The following NHSL2 variants were observed in gnomAD, a reference collection of about 807,000 sequenced individuals.
The protein encoded by NHSL2 is NHS like 2.
Under a neutral mutation model 53.4 loss-of-function variants are expected in NHSL2, and 27 were observed. The ratio of observed to expected loss-of-function variants is 0.51; its 90% CI spans 0.37 to 0.70. NHSL2 has a LOEUF of 0.70. Among genes scored for constraint, NHSL2 ranks in the 30% least tolerant of loss-of-function variants. NHSL2 has a pLI of 0.00. For missense variants in NHSL2, 892 were observed against 980.1 expected (o/e 0.91, Z 1.20); for synonymous variants, 408 against 404.1 (o/e 1.01, Z -0.12).
chrX:72,058,242 T>C (rs1430788720), intron 1 of NHSL2, among the ~76,000 whole-genome samples: 1 of 112,874 alleles, frequency 8.9e-6, no homozygotes, highest in East Asian at 2.8e-4. Flanking sequence ...TCACAGTATT[T>C]GTTACCAAAG....
chrX:72,147,086 G>C lies in NHSL2; in HGVS notation c.*3512G>C, dbSNP rs1488737252. ...GTAACTATCTGGACAACACAGACCCGATTGCAGTCTCTCTGTACCTGTCAG... is the reference window on the plus strand; with the variant it reads ...GTAACTATCTGGACAACACAGACCCCATTGCAGTCTCTCTGTACCTGTCAG... On this transcript the variant is annotated 3_prime_UTR_variant, in exon 8 of 8. Transcript: ENST00000633930. 1.8e-5 allele frequency: 2 copies of C among 112,141 alleles called. No homozygotes were observed. The highest frequency in any genetic ancestry group is 3.8e-5 in the Non-Finnish European group (2 of 53,226). 9.2% of individuals were successfully genotyped at this position (112,141 alleles called of 1,213,427 possible). A position where few individuals can be genotyped will look rare whatever the true frequency, so the allele number is the denominator to read the frequency against.
In NHSL2 at chrX:72,139,014, G is replaced by T; in HGVS notation, c.1466G>T (p.Gly489Val). ...ACCTCGAGGCTGGAGACAGGCCCCG[G>T]TGGGGCCAGCAGATTCCGGGAGCGG... ...SGTSRLETGP[G>V]GASRFRERSL... Residue 489 changes from glycine (G) to valine (V), a missense_variant, in exon 6 of 8, where the codon GGT (glycine) becomes GTT (valine). By Grantham distance (109) the Gly-to-Val change is moderately radical (BLOSUM62 -3). Coordinates refer to ENST00000633930, the MANE Select transcript of NHSL2 (RefSeq NM_001013627.3). 1 of 1,178,575 alleles carries T rather than the reference G, an allele frequency of 8.5e-7. No homozygotes were observed. The highest frequency in any genetic ancestry group is 1.1e-6 in the Non-Finnish European group (1 of 878,242).
intron 1 of NHSL2, among the ~76,000 whole-genome samples, chrX:71,963,964 T>C (rs1402765004): frequency 1.6e-4 from 1 of 6,220 alleles, no homozygotes; most frequent in African/African-American, 1.8e-4. Context: ...TATATACACA[T>C]ATATATATAC....
At chrX:72,003,248 T>C (rs1173588764) in intron 1 of NHSL2, among the ~76,000 whole-genome samples, 2 of 111,184 alleles carry the variant, frequency 1.8e-5, no homozygotes, top group Non-Finnish European at 3.8e-5. Context: ...TGGTTCTGAG[T>C]AACTTTGAGG....
chrX:72,151,177 G>A lies in NHSL2; in HGVS notation c.*7603G>A. On this transcript the variant is annotated 3_prime_UTR_variant, in exon 8 of 8. Transcript: ENST00000633930. ...CTATAGGTGCGTGCCACCATGCCCAGCTAATATTTTTTTTTTTTTTGTATT... is the reference window on the plus strand; with the variant it reads ...CTATAGGTGCGTGCCACCATGCCCAACTAATATTTTTTTTTTTTTTGTATT... 1 of 110,766 alleles carries A rather than the reference G, an allele frequency of 9.0e-6. No individual in the cohort carries two copies. The highest frequency in any genetic ancestry group is 1.9e-5 in the Non-Finnish European group (1 of 53,179). 9.1% of individuals were successfully genotyped at this position (110,766 alleles called of 1,213,427 possible). A position where few individuals can be genotyped will look rare whatever the true frequency, so the allele number is the denominator to read the frequency against.
At chrX:71,942,227 G>A (rs1288448164) in intron 1 of NHSL2, among the ~76,000 whole-genome samples, 1 of 112,501 alleles carries the variant, frequency 8.9e-6, no homozygotes, top group African/African-American at 3.2e-5. Flanking sequence ...CCTGCATGGT[G>A]CAGCCTAAGA....
chrX:72,105,793 A>G (rs2042033381), intron 1 of NHSL2, among the ~76,000 whole-genome samples: 1 of 112,367 alleles, frequency 8.9e-6, no homozygotes, highest in Admixed American at 9.4e-5. Flanking sequence ...AGAGAAATAT[A>G]AAAACTTGAC....
chrX:72,008,230 CTGTG>C lies in NHSL2; in HGVS notation c.280+96866_280+96869del, dbSNP rs1219494318. On this transcript the variant is annotated intron_variant, in intron 1 of 7. Transcript: ENST00000633930. ...GTTGCCCACACTCTGTTCTGACTGACTGTGTGACCCACGTCCCTATCTGCTCAGT... is the reference window on the plus strand; with the variant it reads ...GTTGCCCACACTCTGTTCTGACTGACTGACCCACGTCCCTATCTGCTCAGT... 8.0e-5 allele frequency among the ~76,000 whole-genome samples: 9 copies of C among 112,923 alleles called. No individual in the cohort carries two copies. The East Asian group carries it at 1.9e-3, about 24-fold the overall frequency.
At chrX:71,982,970 G>T (rs895461299) in intron 1 of NHSL2, among the ~76,000 whole-genome samples, 1 of 111,996 alleles carries the variant, frequency 8.9e-6, no homozygotes, top group African/African-American at 3.2e-5. Context: ...GAAGAAGGGG[G>T]GACGCAGTCT....
chrX:72,141,079 C>G (rs771220180), intron 6 of NHSL2: 13 of 198,868 alleles, frequency 6.5e-5, no homozygotes, highest in Non-Finnish European at 1.1e-4. Flanking sequence ...CATCCCACAT[C>G]CCTAGCCAAG....
At chrX:72,080,597 T>A (rs1210239914) in intron 1 of NHSL2, among the ~76,000 whole-genome samples, 2 of 108,528 alleles carry the variant, frequency 1.8e-5, no homozygotes, top group African/African-American at 6.6e-5. Flanking sequence ...TGTGTGTGTG[T>A]GTGTGTAAGA....
intron 1 of NHSL2, among the ~76,000 whole-genome samples, chrX:72,080,670 G>A (rs777762675): frequency 6.3e-5 from 7 of 110,295 alleles, no homozygotes; most frequent in Non-Finnish European, 1.1e-4. Context: ...CCCTTCGGTG[G>A]TAGAAAATTC....
chrX:72,095,991 A>T (rs2041940620), intron 1 of NHSL2, among the ~76,000 whole-genome samples: 1 of 110,795 alleles, frequency 9.0e-6, no homozygotes, highest in African/African-American at 3.3e-5. Context: ...TACAGTGGTC[A>T]TCAAAACAGA....
At chrX:72,069,680 G>A in intron 1 of NHSL2, 5 of 938,427 alleles carry the variant, frequency 5.3e-6, no homozygotes, top group South Asian at 1.2e-4. Flanking sequence ...TGCCAGTCCA[G>A]AGCAGAATGA....
rs186236743 is a variant in NHSL2 at position 71,957,655 on chromosome X, G to A, written c.280+46288G>A. ...CCCAGTCGGCCTACTGTGCCTCAGCGTAAGGTAGGAAAGAGTGCCTCCATG... is the reference window on the plus strand; with the variant it reads ...CCCAGTCGGCCTACTGTGCCTCAGCATAAGGTAGGAAAGAGTGCCTCCATG... On this transcript the variant is annotated intron_variant, in intron 1 of 7. Transcript: ENST00000633930. Among the ~76,000 whole-genome samples, 11 of 110,940 alleles carry A rather than the reference G, an allele frequency of 9.9e-5. No individual in the cohort carries two copies. The East Asian group carries it at 2.3e-3, about 23-fold the overall frequency.
Position 72,149,080 on chromosome X carries a change from T to C in NHSL2, c.*5506T>C, listed in dbSNP as rs1053087341. The stretch of plus-strand genomic sequence containing the variant: ...TCAGATTGAGGAGTCTCATGTTTTA[T>C]GGGACTCCGGTGCATATGCTCGAAA... On this transcript the variant is annotated 3_prime_UTR_variant, in exon 8 of 8. Coordinates refer to ENST00000633930, the MANE Select transcript of NHSL2 (RefSeq NM_001013627.3). The C allele has an allele frequency of 1.8e-5, 2 of 110,643 alleles. No individual in the cohort carries two copies. The highest frequency in any genetic ancestry group is 1.9e-4 in the Admixed American group (2 of 10,379). 9.1% of individuals were successfully genotyped at this position (110,643 alleles called of 1,213,427 possible). A position where few individuals can be genotyped will look rare whatever the true frequency, so the allele number is the denominator to read the frequency against.
intron 1 of NHSL2, among the ~76,000 whole-genome samples, chrX:72,025,940 G>A (rs895890644): frequency 1.8e-5 from 2 of 112,236 alleles, no homozygotes; most frequent in South Asian, 7.4e-4. Flanking sequence ...TGAAGTTACT[G>A]ATAATATCTC....
chrX:72,087,856 A>G (rs1438241236), intron 1 of NHSL2, among the ~76,000 whole-genome samples: 1 of 110,204 alleles, frequency 9.1e-6, no homozygotes, highest in Non-Finnish European at 1.9e-5. Context: ...TGGATGACAG[A>G]GCAAGACTCC....
At chrX:71,928,979 T>G (rs2041699819) in intron 1 of NHSL2, among the ~76,000 whole-genome samples, 1 of 111,604 alleles carries the variant, frequency 9.0e-6, no homozygotes, top group Admixed American at 9.5e-5. Flanking sequence ...CTTCGGAACT[T>G]GATTCCAAGT....
Sources: allele counts gnomAD v4.1 joint callset (sites outside exome capture counted in the v4.1 genomes callset), GRCh38; gene constraint gnomAD v4.1.1; transcripts MANE v1.5; gene names NCBI Gene and HGNC (gene_info 2026-07-23, HGNC 2026-07-21).